The following F11 variants were observed in gnomAD, a reference collection of about 807,000 sequenced individuals.
F11 encodes coagulation factor XI, also known as coagualtion factor XI.
Under a neutral mutation model 76.5 loss-of-function variants are expected in F11, and 78 were observed. The observed-to-expected ratio is 1.02, with a 90% CI of 0.85 to 1.23. The LOEUF is 1.23. F11 is among the 50% of genes most tolerant of loss of function. The pLI, the probability that F11 is intolerant of heterozygous loss-of-function variation, is 0.00. For missense variants in F11, 742 were observed against 771.4 expected (o/e 0.96, Z 0.45); for synonymous variants, 278 against 276.3 (o/e 1.01, Z -0.06).
At chr4:186,288,401 G>C in intron 14 of F11, 52 bp from the exon 15 acceptor site, 1 of 1,611,484 alleles carries the variant, frequency 6.2e-7, no homozygotes, top group Non-Finnish European at 8.5e-7. Context: ...TGCTGAAGAT[G>C]GGAAGCGTCT....
chr4:186,272,645 TGTC>T (rs1439499583), intron 3 of F11, among the ~76,000 whole-genome samples: 1 of 152,216 alleles, frequency 6.6e-6, no homozygotes, highest in Non-Finnish European at 1.5e-5. Flanking sequence ...GATTGGCAAA[TGTC>T]TTCTTAATAA....
chr4:186,285,205 AAC>A (rs1396215809), intron 11 of F11, among the ~76,000 whole-genome samples: 1 of 152,128 alleles, frequency 6.6e-6, no homozygotes, highest in Non-Finnish European at 1.5e-5. Context: ...TAAACTCAAG[AAC>A]ACATGTGAGG....
At chr4:186,275,638 C>A in intron 5 of F11, 149 bp from the exon 6 acceptor site, 1 of 680,918 alleles carries the variant, frequency 1.5e-6, no homozygotes, top group Non-Finnish European at 2.7e-6. Flanking sequence ...AGCAACACTG[C>A]TGGGACCATG....
chr4:186,273,406 C>A (rs1434898529), intron 4 of F11, among the ~76,000 whole-genome samples: 1 of 152,142 alleles, frequency 6.6e-6, no homozygotes, highest in Non-Finnish European at 1.5e-5. Flanking sequence ...CCTCACTTCC[C>A]ATCATTTATT....
intron 12 of F11, 91 bp downstream of exon 12, chr4:186,285,904 C>T: frequency 7.4e-7 from 1 of 1,345,338 alleles, no homozygotes; most frequent in Non-Finnish European, 1.1e-6. Context: ...CCCTGCCAAT[C>T]TCTCCATGCG....
intron 11 of F11, 60 bp downstream of exon 11, chr4:186,284,320 C>A: frequency 5.8e-6 from 8 of 1,385,038 alleles, no homozygotes; most frequent in Non-Finnish European, 8.1e-6. Context: ...AAAAATATTA[C>A]TAGCATGTTA....
At position 186,284,229 on chromosome 4, in the gene F11, T is replaced by A. The variant is rs1554083512; in HGVS notation, c.1273T>A (p.Trp425Arg). ...LCGGSIIGNQ[W>R]ILTAAHCFYG... ...TGGAGGCTCCATCATTGGAAACCAGTGGATATTAACAGCCGCTCACTGTTT... is the reference window on the plus strand; with the variant it reads ...TGGAGGCTCCATCATTGGAAACCAGAGGATATTAACAGCCGCTCACTGTTT... The change falls in exon 11 of 15, where the codon TGG becomes AGG. Residue 425 changes from tryptophan to arginine, a missense_variant. By Grantham distance (101) the Trp-to-Arg change is moderately radical. Transcript: ENST00000403665. 3 of 1,614,208 alleles carry A rather than the reference T, an allele frequency of 1.9e-6. No homozygotes were observed. Among genetic ancestry groups the A allele is most frequent in the Non-Finnish European group, 2.5e-6 (3 of 1,180,038 alleles).
chr4:186,290,039 C>A (rs1437083563), downstream of F11, among the ~76,000 whole-genome samples: 1 of 151,992 alleles, frequency 6.6e-6, no homozygotes, highest in Admixed American at 6.6e-5. Context: ...TTTGAAGATA[C>A]AGTGGTGAGC....
At chr4:186,267,257 T>A in intron 2 of F11, 66 bp downstream of exon 2, 1 of 973,668 alleles carries the variant, frequency 1.0e-6, no homozygotes, top group Non-Finnish European at 1.7e-6. Context: ...TCCACACATG[T>A]GGGAGAATCC....
chr4:186,275,996 G>A (rs950649899), intron 6 of F11, 100 bp downstream of exon 6: 9 of 1,064,102 alleles, frequency 8.5e-6, no homozygotes, highest in Non-Finnish European at 1.3e-5. Flanking sequence ...CGATGAAACG[G>A]ACCCAAAGAT....
intron 10 of F11, among the ~76,000 whole-genome samples, chr4:186,281,533 G>C (rs1302474627): frequency 6.6e-6 from 1 of 152,154 alleles, no homozygotes; most frequent in Non-Finnish European, 1.5e-5. Flanking sequence ...TCTGAGCATA[G>C]TCACGAGAGA....
intron 10 of F11, chr4:186,281,996 A>T: frequency 1.6e-6 from 2 of 1,260,054 alleles, no homozygotes; most frequent in Non-Finnish European, 2.1e-6. Flanking sequence ...AAGCAAGTCA[A>T]TTACGTCGTA....
chr4:186,274,014 A>G, intron 4 of F11, 102 bp from the exon 5 acceptor site: 1 of 1,300,378 alleles, frequency 7.7e-7, no homozygotes, highest in Non-Finnish European at 1.1e-6. Context: ...CTCTGAGGAA[A>G]GGTGGGTGAA....
At chr4:186,272,203 C>T (rs948547147) in intron 3 of F11, among the ~76,000 whole-genome samples, 4 of 151,784 alleles carry the variant, frequency 2.6e-5, no homozygotes, top group South Asian at 2.1e-4. Context: ...CCACCAAAAC[C>T]GCAATGTTTG....
chr4:186,267,063 G>C, intron 1 of F11, 73 bp from the exon 2 acceptor site: 1 of 943,816 alleles, frequency 1.1e-6, no homozygotes, highest in Non-Finnish European at 1.7e-6. Flanking sequence ...TTTCTTGTAA[G>C]TCTTAGTGTC....
rs777793620 is a variant in F11, at chr4:186,280,280, T to C, written c.923T>C (p.Ile308Thr). 1.9e-4 allele frequency: 303 copies of C among 1,614,088 alleles called. No homozygotes were observed. The highest frequency in any genetic ancestry group is 2.5e-4 in the Non-Finnish European group (290 of 1,180,056). Residue 308 changes from isoleucine to threonine, a missense_variant, in exon 9 of 15, where the codon ATT (isoleucine) becomes ACT (threonine). Ile to Thr is a moderately conservative substitution (Grantham distance 89). Coordinates refer to ENST00000403665, the MANE Select transcript of F11 (RefSeq NM_000128.4). ...GATTTCTTGGGAGAAGAACTGGATA[T>C]TGTTGCTGCAAAAAGTCACGAGGCC... ...DTDFLGEELD[I>T]VAAKSHEACQ...
chr4:186,279,550 A>G (rs2126754327), intron 7 of F11, among the ~76,000 whole-genome samples: 1 of 152,240 alleles, frequency 6.6e-6, no homozygotes, highest in Non-Finnish European at 1.5e-5. Flanking sequence ...CTTGCTCTAG[A>G]CTGTGATTTT....
intron 2 of F11, among the ~76,000 whole-genome samples, chr4:186,267,566 G>A (rs1739600363): frequency 6.6e-6 from 1 of 152,140 alleles, no homozygotes; most frequent in Admixed American, 6.5e-5. Context: ...ATTTTGTACT[G>A]AAAAATGTTA....
chr4:186,274,163 T>C lies in F11; in HGVS notation c.373T>C (p.Tyr125His). 6.2e-7 allele frequency: 1 copy of C among 1,614,158 alleles called. No homozygotes were observed. The highest frequency in any genetic ancestry group is 8.5e-7 in the Non-Finnish European group (1 of 1,180,030). ...GGACCTAGACATGAAGGGCATAAAC[T>C]ATAACAGCTCAGTTGCCAAGAGTGC... ...YVDLDMKGIN[Y>H]NSSVAKSAQE... The change falls in exon 5 of 15, where the codon TAT (tyrosine) becomes CAT (histidine). Residue 125 changes from tyrosine (Y) to histidine (H), a missense_variant. By Grantham distance (83) the Tyr-to-His change is moderately conservative. Coordinates refer to ENST00000403665, the MANE Select transcript of F11 (RefSeq NM_000128.4).
Sources: gnomAD v4.1 joint callset for allele counts (sites outside exome capture counted in the v4.1 genomes callset) on GRCh38, gnomAD v4.1.1 for gene constraint, MANE v1.5 for transcripts, NCBI Gene and HGNC (gene_info 2026-07-23, HGNC 2026-07-21) for gene names.